Variants in CADPS2 observed in about 807,000 individuals in gnomAD.
The protein encoded by CADPS2 is calcium-dependent secretion activator 2.
Under a neutral mutation model 172.5 loss-of-function variants are expected in CADPS2, and 93 were observed. That is an observed-to-expected ratio of 0.54 (90% CI 0.46 to 0.64). CADPS2 has a LOEUF of 0.64. Ranked by LOEUF, CADPS2 falls within the 30% of genes least tolerant of loss-of-function variation. CADPS2 has a pLI of 0.00. For missense variants in CADPS2, 1,420 were observed against 1,565.9 expected (o/e 0.91, Z 1.57); for synonymous variants, 546 against 555.2 (o/e 0.98, Z 0.23).
chr7:122,732,328 C>T (rs1177654257), intron 2 of CADPS2, among the ~76,000 whole-genome samples: 2 of 150,470 alleles, frequency 1.3e-5, no homozygotes, highest in East Asian at 2.0e-4. Context: ...TAAGAACAGA[C>T]AGAAAACTTT....
chr7:122,870,370 TATA>T (rs1421453747), intron 1 of CADPS2, among the ~76,000 whole-genome samples: 1 of 151,976 alleles, frequency 6.6e-6, no homozygotes, highest in African/African-American at 2.4e-5. Flanking sequence ...AAGGTCATTA[TATA>T]ATAATAAAGG....
chr7:122,833,695 C>T (rs540096622), intron 1 of CADPS2, among the ~76,000 whole-genome samples: 1 of 152,096 alleles, frequency 6.6e-6, no homozygotes, highest in African/African-American at 2.4e-5. Flanking sequence ...CACGCCTGGC[C>T]TTTATGTTTA....
At chr7:122,398,378 C>G (rs2045448498) in intron 20 of CADPS2, among the ~76,000 whole-genome samples, 1 of 152,132 alleles carries the variant, frequency 6.6e-6, no homozygotes, top group South Asian at 2.1e-4. Context: ...AGTGCTCATC[C>G]TCTTCCAATT....
intron 2 of CADPS2, among the ~76,000 whole-genome samples, chr7:122,672,697 C>A (rs377555868): frequency 4.3e-4 from 65 of 152,274 alleles, no homozygotes; most frequent in African/African-American, 1.5e-3. Context: ...CTTTGGCAGC[C>A]AGATGTCCTG....
chr7:122,703,595 C>T (rs776537115), intron 2 of CADPS2, among the ~76,000 whole-genome samples: 1 of 152,082 alleles, frequency 6.6e-6, no homozygotes, highest in Admixed American at 6.6e-5. Flanking sequence ...AAAATAGAGA[C>T]GGCCCTACTC....
intron 27 of CADPS2, among the ~76,000 whole-genome samples, chr7:122,356,378 T>C (rs2039406713): frequency 6.6e-6 from 1 of 152,242 alleles, no homozygotes; most frequent in Admixed American, 6.5e-5. Flanking sequence ...GCCATTTTCA[T>C]CACATCCTGT....
intron 17 of CADPS2, 105 bp from the exon 18 acceptor site, chr7:122,416,269 G>C: frequency 2.2e-6 from 1 of 446,128 alleles, no homozygotes; most frequent in Non-Finnish European, 3.8e-6. Context: ...TGAGAAATAA[G>C]AAATACAAAT....
intron 2 of CADPS2, among the ~76,000 whole-genome samples, chr7:122,699,616 T>A (rs1163925105): frequency 2.0e-5 from 3 of 152,186 alleles, no homozygotes; most frequent in Non-Finnish European, 2.9e-5. Flanking sequence ...AGTTTGTGGC[T>A]TTTGTTTTAT....
chr7:122,806,362 C>A (rs1037706175), intron 1 of CADPS2, among the ~76,000 whole-genome samples: 1 of 152,088 alleles, frequency 6.6e-6, no homozygotes, highest in Non-Finnish European at 1.5e-5. Context: ...CTACTGTACC[C>A]ACAGAACTAA....
rs190267930 is a variant in CADPS2 at position 122,450,168 on chromosome 7, T to C, written c.2288+1206A>G. On this transcript the variant is annotated intron_variant, in intron 15 of 29. Transcript: ENST00000449022. ...CATTCATATGGTTAAATAAAATATT[T>C]TTGTGAACATATTCACTAAGTTTAT... Among the ~76,000 whole-genome samples the C allele has an allele frequency of 3.9e-3, 595 of 152,316 alleles. 5 individuals carry two copies. Among genetic ancestry groups the C allele is most frequent in the African/African-American group, 0.014 (566 of 41,582 alleles).
intron 2 of CADPS2, among the ~76,000 whole-genome samples, chr7:122,722,411 G>A (rs1391989511): frequency 5.9e-5 from 9 of 151,382 alleles, no homozygotes; most frequent in East Asian, 3.9e-4. Context: ...GACAAACAGA[G>A]AGCCAAATCA....
chr7:122,787,153 G>A (rs759464732), intron 1 of CADPS2, among the ~76,000 whole-genome samples: 3 of 152,152 alleles, frequency 2.0e-5, no homozygotes, highest in Non-Finnish European at 4.4e-5. Flanking sequence ...CATATCAGCT[G>A]AATGATTTGA....
At chr7:122,571,093 A>G (rs2067198914) in intron 7 of CADPS2, among the ~76,000 whole-genome samples, 1 of 152,126 alleles carries the variant, frequency 6.6e-6, no homozygotes, top group African/African-American at 2.4e-5. Context: ...AGAGAAAAGT[A>G]TTTATATCAC....
chr7:122,841,580 T>C (rs1225654005), intron 1 of CADPS2, among the ~76,000 whole-genome samples: 1 of 152,148 alleles, frequency 6.6e-6, no homozygotes, highest in Non-Finnish European at 1.5e-5. Context: ...ATTTCTTAGG[T>C]TTCTGTAAAG....
At chr7:122,337,669 A>G (rs1218578770) in intron 28 of CADPS2, among the ~76,000 whole-genome samples, 1 of 151,990 alleles carries the variant, frequency 6.6e-6, no homozygotes, top group Non-Finnish European at 1.5e-5. Flanking sequence ...ACAAATAATA[A>G]CTTAACATTA....
intron 1 of CADPS2, among the ~76,000 whole-genome samples, chr7:122,782,339 T>C (rs1792945354): frequency 6.6e-6 from 1 of 150,920 alleles, no homozygotes; most frequent in Admixed American, 6.6e-5. Flanking sequence ...AATAACAGTA[T>C]AGTTCAGTAT....
intron 12 of CADPS2, among the ~76,000 whole-genome samples, chr7:122,477,270 T>C (rs1219337741): frequency 6.6e-6 from 1 of 152,154 alleles, no homozygotes; most frequent in Non-Finnish European, 1.5e-5. Flanking sequence ...CCCAGCACTT[T>C]GGGAGGCCGA....
Position 122,319,862 on chromosome 7 carries a change from T to A in CADPS2, c.*303A>T. 52 of 239,858 alleles carry A rather than the reference T, an allele frequency of 2.2e-4. No individual in the cohort carries two copies. The highest frequency in any genetic ancestry group is 4.1e-4 in the East Asian group (5 of 12,236). The allele number at this position is 239,858 out of a possible 1,614,324, so 14.9% of individuals were successfully genotyped here. ...TACAGAAAAATGCTCAAATCTTCTTTAAAAAAAAAAGTTCATGTTCTGATC... is the reference window on the plus strand; with the variant it reads ...TACAGAAAAATGCTCAAATCTTCTTAAAAAAAAAAAGTTCATGTTCTGATC... On this transcript the variant is annotated 3_prime_UTR_variant, in exon 30 of 30. Coordinates refer to ENST00000449022, the MANE Select transcript of CADPS2 (RefSeq NM_017954.11).
chr7:122,521,739 T>C (rs2060814936), intron 8 of CADPS2, among the ~76,000 whole-genome samples: 1 of 152,088 alleles, frequency 6.6e-6, no homozygotes, highest in Non-Finnish European at 1.5e-5. Context: ...ACTTAAAATT[T>C]ATGTGCTATA....
Sources: gnomAD v4.1 joint callset for allele counts (sites outside exome capture counted in the v4.1 genomes callset) on GRCh38, gnomAD v4.1.1 for gene constraint, MANE v1.5 for transcripts, NCBI Gene and HGNC (gene_info 2026-07-23, HGNC 2026-07-21) for gene names.